The following PDE4D variants were observed in gnomAD, a reference collection of about 807,000 sequenced individuals.
PDE4D encodes phosphodiesterase 4D.
Under a neutral mutation model 87.4 loss-of-function variants are expected in PDE4D, and 24 were observed. That is an observed-to-expected ratio of 0.27 (90% CI 0.20 to 0.39). The LOEUF is 0.39. PDE4D is among the 10% of genes least tolerant of loss of function. PDE4D has a pLI of 1.00. For missense variants in PDE4D, 714 were observed against 1,041.0 expected, an observed-to-expected ratio of 0.69 and a Z score of 4.32; for synonymous variants, 384 against 383.2, an observed-to-expected ratio of 1.00 and a Z score of -0.02.
chr5:60,136,846 T>C (rs1780093424), intron 2 of PDE4D, among the ~76,000 whole-genome samples: 1 of 152,278 alleles, frequency 6.6e-6, no homozygotes, highest in African/African-American at 2.4e-5. Flanking sequence ...GTGCGGGATG[T>C]GCAGGTTTGT....
rs1322092199 is a variant in PDE4D at position 59,944,351 on chromosome 5, C to CT, written c.272+44136dup. Among the ~76,000 whole-genome samples the CT allele has an allele frequency of 1.5e-4, 23 of 151,406 alleles. No individual in the cohort carries two copies. In the South Asian group the frequency reaches 2.3e-3, roughly 15 times the overall value. The stretch of plus-strand genomic sequence containing the variant: ...TACTTTAGGATTGTATCTGGGCATG[C>CT]TTTTTTTTTGTTTTTGTTCGTTTGT... On this transcript the variant is annotated intron_variant, in intron 3 of 16. Transcript: ENST00000502484.
chr5:60,101,741 T>C (rs1428388932), intron 2 of PDE4D, among the ~76,000 whole-genome samples: 3 of 152,158 alleles, frequency 2.0e-5, no homozygotes, highest in Non-Finnish European at 4.4e-5. Context: ...AAAATGCTAA[T>C]GGAATTTCAC....
chr5:58,991,786 G>A (rs776779098), intron 8 of PDE4D, 46 bp downstream of exon 8: 118 of 1,192,722 alleles, frequency 9.9e-5, no homozygotes, highest in Non-Finnish European at 1.3e-4. Flanking sequence ...ATTCATGAAA[G>A]GGCATCATTT....
intron 1 of PDE4D, among the ~76,000 whole-genome samples, chr5:59,585,520 G>T (rs1824973250): frequency 6.6e-6 from 1 of 152,118 alleles, no homozygotes; most frequent in African/African-American, 2.4e-5. Flanking sequence ...CATTCACAAA[G>T]TTTCTGCTAT....
At chr5:60,109,195 G>A (rs1424967625) in intron 2 of PDE4D, among the ~76,000 whole-genome samples, 1 of 152,158 alleles carries the variant, frequency 6.6e-6, no homozygotes, top group Non-Finnish European at 1.5e-5. Context: ...CAAAAAGTGG[G>A]CGAAGGCCAT....
chr5:59,795,297 G>A (rs1465812910), intron 1 of PDE4D, among the ~76,000 whole-genome samples: 3 of 152,138 alleles, frequency 2.0e-5, no homozygotes, highest in South Asian at 2.1e-4. Flanking sequence ...AGACTTAGGG[G>A]GCAGTTGGTT....
At chr5:60,172,552 C>G (rs1783560895) in intron 2 of PDE4D, among the ~76,000 whole-genome samples, 1 of 152,122 alleles carries the variant, frequency 6.6e-6, no homozygotes, top group African/African-American at 2.4e-5. Context: ...CTAGGAGGAA[C>G]ACAGCCCTTC....
At chr5:59,458,633 T>C (rs1800281681) in intron 1 of PDE4D, among the ~76,000 whole-genome samples, 1 of 152,188 alleles carries the variant, frequency 6.6e-6, no homozygotes. Context: ...GTACGATTGG[T>C]TAAGCAAGGG....
intron 1 of PDE4D, among the ~76,000 whole-genome samples, chr5:59,444,948 T>C (rs1798145004): frequency 6.6e-6 from 1 of 152,238 alleles, no homozygotes; most frequent in South Asian, 2.1e-4. Context: ...CATTTCTTCC[T>C]GGTTCTGTAA....
intron 3 of PDE4D, chr5:59,988,261 T>C (rs1762642985): frequency 2.2e-6 from 1 of 445,460 alleles, no homozygotes; most frequent in Admixed American, 3.8e-5. Context: ...TTTATTAGCA[T>C]TCACCAATAC....
chr5:59,189,253 G>GTTTTTTTTTTTTTTTTTTTTTT (rs5868167), intron 3 of PDE4D, among the ~76,000 whole-genome samples: 3 of 120,848 alleles, frequency 2.5e-5, no homozygotes, highest in Admixed American at 9.6e-5. Context: ...TGTTTTTTTT[G>GTTTTTTTTTTTTTTTTTTTTTT]TTTTTTTTTT....
At chr5:59,792,582 C>A (rs751043513) in intron 1 of PDE4D, among the ~76,000 whole-genome samples, 1 of 151,962 alleles carries the variant, frequency 6.6e-6, no homozygotes, top group Non-Finnish European at 1.5e-5. Context: ...GAGGTTTGTG[C>A]CGTGAAGGAG....
At chr5:59,653,599 C>G (rs1020068021) in intron 1 of PDE4D, among the ~76,000 whole-genome samples, 42 of 152,008 alleles carry the variant, frequency 2.8e-4, no homozygotes, top group Non-Finnish European at 4.6e-4. Flanking sequence ...ACAAGTCAAA[C>G]AAGAAAGGAG....
chr5:59,403,266 T>G (rs1378585450), intron 1 of PDE4D, among the ~76,000 whole-genome samples: 1 of 152,086 alleles, frequency 6.6e-6, no homozygotes, highest in Non-Finnish European at 1.5e-5. Context: ...AAACAGGGAA[T>G]CTATTACTGC....
chr5:59,256,946 T>G (rs2153532948), intron 1 of PDE4D, among the ~76,000 whole-genome samples: 1 of 152,158 alleles, frequency 6.6e-6, no homozygotes, highest in Admixed American at 6.6e-5. Flanking sequence ...TGTATCAACA[T>G]ACTGTCAAGT....
chr5:59,232,185 C>T (rs1018452720), intron 1 of PDE4D, among the ~76,000 whole-genome samples: 30 of 152,004 alleles, frequency 2.0e-4, no homozygotes, highest in Admixed American at 1.9e-3. Context: ...ATATTAAAAC[C>T]AAAAATCTCT....
intron 1 of PDE4D, among the ~76,000 whole-genome samples, chr5:60,271,221 T>G (rs371431035): frequency 3.3e-5 from 5 of 152,194 alleles, no homozygotes; most frequent in African/African-American, 1.2e-4. Context: ...AATGGTCACA[T>G]TTTATCATAA....
At chr5:59,822,084 G>C (rs1769752577) in intron 1 of PDE4D, among the ~76,000 whole-genome samples, 1 of 152,060 alleles carries the variant, frequency 6.6e-6, no homozygotes, top group Non-Finnish European at 1.5e-5. Flanking sequence ...CATGTGTTTT[G>C]GAATGACAGG....
intron 2 of PDE4D, among the ~76,000 whole-genome samples, chr5:60,044,370 T>TA (rs1228798286): frequency 1.3e-5 from 2 of 151,970 alleles, no homozygotes; most frequent in Non-Finnish European, 2.9e-5. Context: ...TTTTTCCTTT[T>TA]TTTTATATTA....
Sources: allele counts gnomAD v4.1 joint callset (sites outside exome capture counted in the v4.1 genomes callset), GRCh38; gene constraint gnomAD v4.1.1; transcripts MANE v1.5; gene names NCBI Gene and HGNC (gene_info 2026-07-23, HGNC 2026-07-21).